Variants in DAPK1 observed in about 807,000 individuals in gnomAD.
DAPK1 encodes the protein death-associated protein kinase 1.
Under a neutral mutation model 144.9 loss-of-function variants are expected in DAPK1, and 56 were observed. That is an observed-to-expected ratio of 0.39 (90% CI 0.31 to 0.48). The LOEUF is 0.48. Among genes scored for constraint, DAPK1 ranks in the 20% least tolerant of loss-of-function variants. The pLI is 0.95. For missense variants in DAPK1, 1,454 were observed against 1,875.4 expected (o/e 0.78, Z 4.15); for synonymous variants, 690 against 749.0 (o/e 0.92, Z 1.29).
intron 17 of DAPK1, among the ~76,000 whole-genome samples, chr9:87,653,030 G>C (rs1310556284): frequency 2.8e-5 from 4 of 143,250 alleles, no homozygotes; most frequent in Admixed American, 1.4e-4. Flanking sequence ...CCTCTCACCT[G>C]ATCCCAGGTC....
At chr9:87,546,167 T>C (rs534574735) in intron 2 of DAPK1, among the ~76,000 whole-genome samples, 28 of 152,198 alleles carry the variant, frequency 1.8e-4, no homozygotes, top group Non-Finnish European at 3.7e-4. Flanking sequence ...TATTCAGATA[T>C]GGTGAAGCTT....
intron 9 of DAPK1, among the ~76,000 whole-genome samples, chr9:87,641,731 G>A (rs1481374491): frequency 6.6e-6 from 1 of 152,132 alleles, no homozygotes; most frequent in Admixed American, 6.5e-5. Context: ...TTGTGATTTA[G>A]TTTGACCCCA....
At chr9:87,663,128 G>A (rs1476422143) in intron 18 of DAPK1, among the ~76,000 whole-genome samples, 1 of 151,966 alleles carries the variant, frequency 6.6e-6, no homozygotes, top group African/African-American at 2.4e-5. Flanking sequence ...GAACAAGTCT[G>A]CACGTCCTGT....
intron 18 of DAPK1, among the ~76,000 whole-genome samples, chr9:87,660,732 T>A (rs1383820862): frequency 6.6e-6 from 1 of 152,238 alleles, no homozygotes; most frequent in Non-Finnish European, 1.5e-5. Context: ...CAGCATGTGA[T>A]ATTTGGTTTT....
At position 87,664,345 on chromosome 9, in the gene DAPK1, A is replaced by G. The variant is rs36215718; in HGVS notation, c.1924-4252A>G. 2.2e-3 allele frequency among the ~76,000 whole-genome samples: 330 copies of G among 152,218 alleles called. 3 individuals are homozygous for G. The highest frequency in any genetic ancestry group is 7.6e-3 in the African/African-American group (314 of 41,520). ...CGCATAGTGTGCCCACAGCATCAGC[A>G]CACACAGGCACACATCTCTCTGCCC... is the stretch of plus-strand genomic sequence containing the variant. On this transcript the variant is annotated intron_variant, in intron 18 of 25. Transcript: ENST00000408954.
chr9:87,513,445 G>GTT (rs1472398520), intron 2 of DAPK1, among the ~76,000 whole-genome samples: 2 of 152,212 alleles, frequency 1.3e-5, no homozygotes, highest in African/African-American at 4.8e-5. Flanking sequence ...ACGTAAAAAT[G>GTT]TAAGCAGGTG....
chr9:87,527,339 T>C (rs976806706), intron 2 of DAPK1, among the ~76,000 whole-genome samples: 1 of 152,230 alleles, frequency 6.6e-6, no homozygotes, highest in Admixed American at 6.5e-5. Context: ...TCTCTGACAC[T>C]GAATCCTTCC....
At chr9:87,505,824 A>G (rs1383551418) in intron 2 of DAPK1, among the ~76,000 whole-genome samples, 1 of 152,100 alleles carries the variant, frequency 6.6e-6, no homozygotes, top group Non-Finnish European at 1.5e-5. Context: ...AATAGCTGGA[A>G]TTATAGGCAT....
chr9:87,507,806 G>C (rs953346335), intron 2 of DAPK1, among the ~76,000 whole-genome samples: 3 of 152,092 alleles, frequency 2.0e-5, no homozygotes, highest in Non-Finnish European at 4.4e-5. Context: ...AATTTGGCTC[G>C]AGGTACGGAC....
chr9:87,615,572 G>A (rs1034044483), intron 3 of DAPK1, among the ~76,000 whole-genome samples: 2 of 152,222 alleles, frequency 1.3e-5, no homozygotes, highest in Non-Finnish European at 2.9e-5. Flanking sequence ...ATGTAGGGTA[G>A]AACGTTCACT....
chr9:87,686,882 G>T lies in DAPK1; in HGVS notation c.2413+143G>T, dbSNP rs889892785. 4.2e-6 allele frequency: 6 copies of T among 1,420,094 alleles called. No homozygotes were observed. The African/African-American group carries it at 8.6e-5, about 20-fold the overall frequency. The allele number at this position is 1,420,094 out of a possible 1,614,324, so 88.0% of individuals were successfully genotyped here. On this transcript the variant is annotated intron_variant, in intron 21 of 25. Coordinates refer to ENST00000408954, the MANE Select transcript of DAPK1 (RefSeq NM_004938.4). The surrounding 1 kb of genome is among the most constrained non-coding windows in gnomAD (Gnocchi z 4.2). ...ACAGACTGATATTCAGAGTGAGCCA[G>T]GACTGAAGCATGGCTGGCTACCATC...
chr9:87,572,365 G>C (rs1269066381), intron 2 of DAPK1, among the ~76,000 whole-genome samples: 1 of 152,172 alleles, frequency 6.6e-6, no homozygotes, highest in Non-Finnish European at 1.5e-5. Context: ...ATAGATGGGA[G>C]CCAGCTTTTC....
At chr9:87,693,342 T>C (rs544764351) in intron 21 of DAPK1, among the ~76,000 whole-genome samples, 5 of 152,066 alleles carry the variant, frequency 3.3e-5, no homozygotes, top group Non-Finnish European at 7.4e-5. Context: ...AATTCTTCCT[T>C]CTGCTTGATC....
chr9:87,622,413 C>T (rs1829330670), intron 3 of DAPK1, among the ~76,000 whole-genome samples: 1 of 152,048 alleles, frequency 6.6e-6, no homozygotes, highest in South Asian at 2.1e-4. Context: ...GTTGTCTTCT[C>T]CTGAAGGTTG....
At chr9:87,528,197 G>C (rs1479124934) in intron 2 of DAPK1, among the ~76,000 whole-genome samples, 1 of 149,394 alleles carries the variant, frequency 6.7e-6, no homozygotes, top group Non-Finnish European at 1.5e-5. Context: ...TATTGTTACA[G>C]TGCGTTTTCT....
chr9:87,663,963 C>T (rs1404731089), intron 18 of DAPK1, among the ~76,000 whole-genome samples: 1 of 152,090 alleles, frequency 6.6e-6, no homozygotes, highest in Non-Finnish European at 1.5e-5. Context: ...GAAGCACCCG[C>T]CTCTCCAGCC....
At chr9:87,696,849 A>G (rs1825276053) in intron 21 of DAPK1, among the ~76,000 whole-genome samples, 158 bp from the exon 22 acceptor site, 1 of 152,214 alleles carries the variant, frequency 6.6e-6, no homozygotes, top group African/African-American at 2.4e-5. Flanking sequence ...TTAGTGGGGA[A>G]CAAACCATAC....
intron 3 of DAPK1, among the ~76,000 whole-genome samples, chr9:87,629,734 T>C (rs1267731675): frequency 2.6e-5 from 4 of 152,140 alleles, no homozygotes; most frequent in African/African-American, 7.2e-5. Flanking sequence ...AGTTCCTCTA[T>C]CATAGTCAGT....
At chr9:87,497,680 T>C (rs1180253769), upstream of DAPK1, 5 of 191,316 alleles carry the variant, frequency 2.6e-5, no homozygotes, top group South Asian at 1.9e-4. Flanking sequence ...GTGTGCGCGG[T>C]AGAGCGCGCC....
Sources: allele counts gnomAD v4.1 joint callset (sites outside exome capture counted in the v4.1 genomes callset), GRCh38; gene constraint gnomAD v4.1.1; non-coding constraint Gnocchi (gnomAD v3.1); transcripts MANE v1.5; gene names NCBI Gene and HGNC (gene_info 2026-07-23, HGNC 2026-07-21).